Variants in VAV1 observed in about 807,000 individuals in gnomAD.
VAV1 encodes proto-oncogene vav.
A neutral mutation model predicts 128.1 loss-of-function variants in VAV1; 33 were observed. That is an observed-to-expected ratio of 0.26 (90% CI 0.20 to 0.34). VAV1 has a LOEUF of 0.34. VAV1 is among the 10% of genes least tolerant of loss of function. The pLI, the probability that VAV1 is intolerant of heterozygous loss-of-function variation, is 1.00. For synonymous variants in VAV1, 394 were observed against 409.8 expected (o/e 0.96, Z 0.47); for missense variants, 715 against 1,093.7 (o/e 0.65, Z 4.88).
chr19:6,832,310 A>G, intron 15 of VAV1, 110 bp downstream of exon 15: 1 of 966,412 alleles, frequency 1.0e-6, no homozygotes, highest in Non-Finnish European at 1.6e-6. Context: ...ACCACTCTGA[A>G]CCACAGTCTC....
rs371563464 is a variant in VAV1, at chr19:6,777,108, TCATC to T, written c.204+4120_204+4123del. ...CCCACCCACCCATCCATCCATCTACTCATCCATCCATCCATCCATCCATCCACCC... is the reference window on the plus strand; with the variant it reads ...CCCACCCACCCATCCATCCATCTACTCATCCATCCATCCATCCATCCACCC... On this transcript the variant is annotated intron_variant, in intron 1 of 26. Transcript: ENST00000602142. This position sits in a 1 kb window ranked among gnomAD's most constrained non-coding sequence, Gnocchi z 4.4. 6.2e-3 allele frequency among the ~76,000 whole-genome samples: 940 copies of T among 150,420 alleles called. 7 individuals are homozygous for T. The highest frequency in any genetic ancestry group is 0.021 in the African/African-American group (877 of 40,938).
At chr19:6,810,201 T>TGTG (rs1044020035) in intron 1 of VAV1, among the ~76,000 whole-genome samples, 1 of 151,348 alleles carries the variant, frequency 6.6e-6, no homozygotes, top group African/African-American at 2.4e-5. Flanking sequence ...GTTAGCCAGG[T>TGTG]GTGGTGGTGC....
At chr19:6,834,952 G>T (rs938008826) in intron 19 of VAV1, among the ~76,000 whole-genome samples, 1 of 151,446 alleles carries the variant, frequency 6.6e-6, no homozygotes. Flanking sequence ...AATTAGCGGG[G>T]TTCTTGCTTG....
chr19:6,848,008 C>T lies in VAV1; in HGVS notation c.2023C>T (p.Pro675Ser), dbSNP rs370586875. 8.1e-5 allele frequency: 123 copies of T among 1,518,696 alleles called. No individual in the cohort carries two copies. Among genetic ancestry groups the T allele is most frequent in the Middle Eastern group, 3.6e-4 (2 of 5,556 alleles). The allele number at this position is 1,518,696 out of a possible 1,614,324, so 94.1% of individuals were successfully genotyped here. ...DLSVHLWYAG[P>S]MERAGAESIL... ...GGTGTCTCTTTGCAGGTACGCAGGC[C>T]CCATGGAGCGGGCAGGGGCAGAGAG... The change falls in exon 23 of 27, where the codon CCC becomes TCC. Residue 675 changes from proline (P) to serine (S), a missense_variant. Physicochemically the swap from Pro to Ser is moderately conservative, Grantham distance 74. Coordinates refer to ENST00000602142, the MANE Select transcript of VAV1 (RefSeq NM_005428.4).
chr19:6,832,778 C>G (rs990639534), intron 15 of VAV1, among the ~76,000 whole-genome samples: 2 of 151,896 alleles, frequency 1.3e-5, no homozygotes, highest in African/African-American at 4.8e-5. Context: ...TTTGTCTTCT[C>G]TTTCTCCTTT....
chr19:6,802,131 A>AT (rs1182045725), intron 1 of VAV1, among the ~76,000 whole-genome samples: 3 of 151,670 alleles, frequency 2.0e-5, no homozygotes, highest in African/African-American at 7.3e-5. Context: ...ATAGGTGGGA[A>AT]TTGAACAATG....
rs57869416 is a variant in VAV1 at position 6,838,295 on chromosome 19, TTATCTATCTATC to T, written c.1980+1273_1980+1284del. On this transcript the variant is annotated intron_variant, in intron 21 of 26. Transcript: ENST00000602142. ...TATCCATCTATTCGTCATCTACATA[TTATCTATCTATC>T]TATCTATCTATCTATCTATCTATCT... is the stretch of plus-strand genomic sequence containing the variant. 7.2e-3 allele frequency among the ~76,000 whole-genome samples: 1,042 copies of T among 145,676 alleles called. 6 individuals are homozygous for T. The highest frequency in any genetic ancestry group is 7.9e-3 in the Non-Finnish European group (529 of 66,810).
chr19:6,833,059 A>T (rs10422749), intron 15 of VAV1, 125 bp from the exon 16 acceptor site: 1 of 813,138 alleles, frequency 1.2e-6, no homozygotes, highest in Non-Finnish European at 1.9e-6. Flanking sequence ...ACGACCCAAA[A>T]GCCAATCAAT....
intron 1 of VAV1, among the ~76,000 whole-genome samples, chr19:6,812,404 C>T (rs428020): frequency 0.036 from 5,444 of 152,196 alleles, 343 homozygotes; most frequent in African/African-American, 0.13. Flanking sequence ...CCTGTGATCC[C>T]AGCACTTTGG....
chr19:6,833,725 A>G lies in VAV1; in HGVS notation c.1723A>G (p.Met575Val), dbSNP rs771115216. 4 of 1,614,150 alleles carry G rather than the reference A, an allele frequency of 2.5e-6. No homozygotes were observed. The highest frequency in any genetic ancestry group is 3.4e-6 in the Non-Finnish European group (4 of 1,180,018). The change falls in exon 18 of 27, where the codon ATG becomes GTG. Residue 575 changes from methionine (M) to valine (V), a missense_variant. Physicochemically the swap from Met to Val is conservative, Grantham distance 21. This residue lies in a region of VAV1 where 407 missense variants were observed against 580.6 expected (regional missense o/e 0.70). Transcript: ENST00000602142. ...CCCTCCCGTAGATTTCCCAGGAACT[A>G]TGAAGAAGGTAAGACTTTCCCGTGG... is the stretch of plus-strand genomic sequence containing the variant. ...GRHGQDFPGT[M>V]KKDKLHRRAQ...
rs1042877461 is a variant in VAV1, at chr19:6,822,190, T to G, written c.450-31T>G. 8 of 1,549,524 alleles carry G rather than the reference T, an allele frequency of 5.2e-6. No homozygotes were observed. Among genetic ancestry groups the G allele is most frequent in the Non-Finnish European group, 7.0e-6 (8 of 1,143,844 alleles). On this transcript the variant is annotated intron_variant, in intron 4 of 26. Coordinates refer to ENST00000602142, the MANE Select transcript of VAV1 (RefSeq NM_005428.4). The surrounding 1 kb of genome is among the most constrained non-coding windows in gnomAD (Gnocchi z 5.9). ...GGACCCTGCTGTGATCTGGGAGAGGTCCAAGGGATCCCTGACCTCACAACC... is the reference window on the plus strand; with the variant it reads ...GGACCCTGCTGTGATCTGGGAGAGGGCCAAGGGATCCCTGACCTCACAACC...
chr19:6,848,527 C>T (rs1240677017), intron 23 of VAV1, among the ~76,000 whole-genome samples: 1 of 150,734 alleles, frequency 6.6e-6, no homozygotes, highest in Non-Finnish European at 1.5e-5. Context: ...CTCAGACCCC[C>T]GAGTAGCTGG....
intron 21 of VAV1, among the ~76,000 whole-genome samples, chr19:6,838,540 C>T (rs1972288272): frequency 6.6e-6 from 1 of 152,158 alleles, no homozygotes; most frequent in Non-Finnish European, 1.5e-5. Flanking sequence ...TATCTATTCA[C>T]CGATCATCTC....
rs571290234 is a variant in VAV1 at position 6,781,137 on chromosome 19, A to G, written c.204+8126A>G. 2.0e-5 allele frequency among the ~76,000 whole-genome samples: 3 copies of G among 152,164 alleles called. No homozygotes were observed. In the East Asian group the frequency reaches 5.8e-4, roughly 29 times the overall value. On this transcript the variant is annotated intron_variant, in intron 1 of 26. Transcript: ENST00000602142. ...AGGCTGGTCTCAAACTCCTGGCCTC[A>G]AGAGACCCTCCCACCTCGGCCTCCC...
rs1971961460 is a variant in VAV1, at chr19:6,828,034, T to C, written c.928-42T>C. Reference sequence around the variant, plus strand: ...CACCCACCCTGCAACTGGCTGTTTCTGGGACCTGCCTCAGTTTCCCCATTG... The same window carrying C: ...CACCCACCCTGCAACTGGCTGTTTCCGGGACCTGCCTCAGTTTCCCCATTG... On this transcript the variant is annotated intron_variant, in intron 9 of 26. Transcript: ENST00000602142. This position sits in a 1 kb window ranked among gnomAD's most constrained non-coding sequence, Gnocchi z 4.5. 6.3e-7 allele frequency: 1 copy of C among 1,586,208 alleles called. No homozygotes were observed. The highest frequency in any genetic ancestry group is 1.1e-5 in the South Asian group (1 of 90,506).
chr19:6,854,144 C>A lies in VAV1; in HGVS notation c.2484+46C>A. 5 of 1,600,614 alleles carry A rather than the reference C, an allele frequency of 3.1e-6. No individual in the cohort carries two copies. In the South Asian group the frequency reaches 4.4e-5, roughly 14 times the overall value. On this transcript the variant is annotated intron_variant, in intron 26 of 26. Coordinates refer to ENST00000602142, the MANE Select transcript of VAV1 (RefSeq NM_005428.4). ...TGACGGGGAGGGCATGGGGGTTGAG[C>A]TGGTGGTGGACGAGACTGGAACTGG...
At chr19:6,848,199 A>T (rs1373226593) in intron 23 of VAV1, 85 bp downstream of exon 23, 1 of 1,321,052 alleles carries the variant, frequency 7.6e-7, no homozygotes, top group African/African-American at 1.6e-5. Context: ...TTTACTTTAT[A>T]GAAGTGTACG....
chr19:6,833,077 T>G, intron 15 of VAV1, 107 bp from the exon 16 acceptor site: 1 of 924,380 alleles, frequency 1.1e-6, no homozygotes, highest in South Asian at 1.9e-5. Context: ...AATGAATGAG[T>G]GGACACGCAA....
intron 1 of VAV1, among the ~76,000 whole-genome samples, chr19:6,786,806 A>C (rs1385965492): frequency 4.0e-5 from 6 of 151,862 alleles, no homozygotes; most frequent in Non-Finnish European, 8.8e-5. Context: ...AACAAAATAA[A>C]AATTATTTTA....
Sources: gnomAD v4.1 joint callset for allele counts (sites outside exome capture counted in the v4.1 genomes callset) on GRCh38, gnomAD v4.1.1 for gene constraint, gnomAD v4.1.1 regional missense constraint, Gnocchi (gnomAD v3.1) non-coding constraint, MANE v1.5 for transcripts, NCBI Gene and HGNC (gene_info 2026-07-23, HGNC 2026-07-21) for gene names.